Variants in HIP1R observed in about 807,000 individuals in gnomAD.
HIP1R encodes huntingtin interacting protein 1 related, also known as huntingtin-interacting protein 1-related protein.
In HIP1R, 135 loss-of-function variants were observed where a neutral mutation model predicts 144.2. The observed-to-expected ratio is 0.94, with a 90% CI of 0.81 to 1.08. HIP1R has a LOEUF of 1.08. HIP1R is among the 50% of genes least tolerant of loss of function. The probability of loss-of-function intolerance (pLI) is 0.00; values close to 1 mark genes in which losing one functional copy is unlikely to be tolerated. For missense variants in HIP1R, 1,462 were observed against 1,432.8 expected, an observed-to-expected ratio of 1.02 and a Z score of -0.33; for synonymous variants, 698 against 612.8, an observed-to-expected ratio of 1.14 and a Z score of -2.05.
intron 30 of HIP1R, 45 bp from the exon 31 acceptor site, chr12:122,861,263 T>G (rs1593893611): frequency 1.9e-6 from 3 of 1,612,802 alleles, no homozygotes; most frequent in Non-Finnish European, 2.5e-6. Flanking sequence ...AGGAGAGAGC[T>G]CCCTGGGGAG....
Position 122,855,573 on chromosome 12 carries a change from A to T in HIP1R, c.1016A>T (p.Gln339Leu). Residue 339 changes from glutamine to leucine, a missense_variant, in exon 12 of 32, where the codon CAG becomes CTG. By Grantham distance (113) the Gln-to-Leu change is moderately radical. This residue lies in a region of HIP1R where 1,112 missense variants were observed against 1,011.7 expected (regional missense o/e 1.10). Transcript: ENST00000253083. ...CAGGTGGTGGCTGACCTCTTCGATC[A>T]GACGTTTGGACCCCCCAATGGGTCT... Reference protein sequence around the residue: ...EPVVVADLFDQTFGPPNGSVK... With the variant: ...EPVVVADLFDLTFGPPNGSVK... 1 of 1,549,558 alleles carries T rather than the reference A, an allele frequency of 6.5e-7. No individual in the cohort carries two copies. The highest frequency in any genetic ancestry group is 8.7e-7 in the Non-Finnish European group (1 of 1,147,036).
intron 7 of HIP1R, among the ~76,000 whole-genome samples, chr12:122,851,667 G>A (rs1390200451): frequency 6.8e-6 from 1 of 147,542 alleles, no homozygotes; most frequent in Non-Finnish European, 1.5e-5. Context: ...CTGGGCAACA[G>A]AGTGAGTCTC....
At chr12:122,842,352 T>G (rs117566398) in intron 1 of HIP1R, among the ~76,000 whole-genome samples, 1,525 of 152,322 alleles carry the variant, frequency 0.01, 16 homozygotes, top group South Asian at 0.039. Context: ...ATAATTACTT[T>G]TACTCTGCAG....
In HIP1R at chr12:122,849,970, G is replaced by A; in HGVS notation, c.438+15G>A. 3 of 1,591,150 alleles carry A rather than the reference G, an allele frequency of 1.9e-6. No individual in the cohort carries two copies. The highest frequency in any genetic ancestry group is 2.6e-6 in the Non-Finnish European group (3 of 1,159,544). ...TCCACCTCAAGGTGGTTTCCTCGGG[G>A]GAGTCATGGGGCTGAGGGACCCGTG... is the stretch of plus-strand genomic sequence containing the variant. On this transcript the variant is annotated intron_variant, in intron 5 of 31. Coordinates refer to ENST00000253083, the MANE Select transcript of HIP1R (RefSeq NM_003959.3).
At chr12:122,847,306 G>A (rs117050467) in intron 1 of HIP1R, among the ~76,000 whole-genome samples, 11 of 152,306 alleles carry the variant, frequency 7.2e-5, no homozygotes, top group South Asian at 2.1e-4. Flanking sequence ...GCCGGGGCGG[G>A]GGGGGAGGGG....
chr12:122,861,390 C>G lies in HIP1R; in HGVS notation c.3035C>G (p.Ala1012Gly). 6.2e-7 allele frequency: 1 copy of G among 1,613,544 alleles called. No homozygotes were observed. The change falls in exon 31 of 32, where the codon GCT (alanine) becomes GGT (glycine). Residue 1012 changes from alanine to glycine, a missense_variant. This residue lies in a region of HIP1R where 1,112 missense variants were observed against 1,011.7 expected (regional missense o/e 1.10). Coordinates refer to ENST00000253083, the MANE Select transcript of HIP1R (RefSeq NM_003959.3). ...TTGCGGAAGCAACACTACGTGCTGG[C>G]TGGGGCATCAGGCAGCCCTGGAGAG... ...GELRKQHYVL[A>G]GASGSPGEEV...
chr12:122,843,270 T>A (rs2033109797), intron 1 of HIP1R, among the ~76,000 whole-genome samples: 1 of 152,218 alleles, frequency 6.6e-6, no homozygotes, highest in Admixed American at 6.5e-5. Flanking sequence ...TCTCCATCTC[T>A]GGTCCATGTC....
chr12:122,857,530 G>A (rs2033625720), intron 18 of HIP1R: 4 of 495,980 alleles, frequency 8.1e-6, no homozygotes, highest in Admixed American at 3.3e-5. Flanking sequence ...TAGTGCTGCT[G>A]TGGGCCTTTG....
chr12:122,842,266 G>A (rs916917651), intron 1 of HIP1R, among the ~76,000 whole-genome samples: 5 of 152,202 alleles, frequency 3.3e-5, no homozygotes, highest in Admixed American at 2.6e-4. Context: ...CTGCTGTTAG[G>A]TGCCACGATA....
In HIP1R at chr12:122,861,848, C is replaced by A; in HGVS notation, c.*95C>A. 8.7e-7 allele frequency: 1 copy of A among 1,146,442 alleles called. No individual in the cohort carries two copies. Among genetic ancestry groups the A allele is most frequent in the Non-Finnish European group, 1.3e-6 (1 of 782,260 alleles). 71.0% of individuals were successfully genotyped at this position (1,146,442 alleles called of 1,614,324 possible). Reference sequence around the variant, plus strand: ...GAGGCCTTGCCCCTCCACCTGGTGCCCAAGCCTCCCGCCCCACCGTCTGGA... The same window carrying A: ...GAGGCCTTGCCCCTCCACCTGGTGCACAAGCCTCCCGCCCCACCGTCTGGA... On this transcript the variant is annotated 3_prime_UTR_variant, in exon 32 of 32. Coordinates refer to ENST00000253083, the MANE Select transcript of HIP1R (RefSeq NM_003959.3).
In HIP1R at chr12:122,857,044, G is replaced by T. The variant is rs1256544986; in HGVS notation, c.1644G>T (p.Arg548=). Reference sequence around the variant, plus strand: ...AGAGCAAGTCGGAGCTGAGCTCACGGCTGGACACGCTGAGTGCGGAGAAGG... The same window carrying T: ...AGAGCAAGTCGGAGCTGAGCTCACGTCTGGACACGCTGAGTGCGGAGAAGG... ...TEQSKSELSS[R]LDTLSAEKDA... Residue 548 remains arginine, a synonymous_variant, in exon 18 of 32, where the codon CGG becomes CGT. Coordinates refer to ENST00000253083, the MANE Select transcript of HIP1R (RefSeq NM_003959.3). The T allele has an allele frequency of 7.7e-6, 12 of 1,550,248 alleles. No individual in the cohort carries two copies. Among genetic ancestry groups the T allele is most frequent in the Non-Finnish European group, 1.0e-5 (12 of 1,147,470 alleles).
intron 1 of HIP1R, among the ~76,000 whole-genome samples, chr12:122,846,031 G>A (rs555214420): frequency 1.0e-3 from 158 of 152,306 alleles, no homozygotes; most frequent in African/African-American, 3.7e-3. Context: ...CAGTCACTTC[G>A]CCTCCACCCT....
In HIP1R at chr12:122,855,876, C is replaced by T. The variant is rs1384395454; in HGVS notation, c.1101C>T (p.Arg367=). The T allele has an allele frequency of 2.0e-6, 3 of 1,505,828 alleles. No homozygotes were observed. The highest frequency in any genetic ancestry group is 3.9e-5 in the Admixed American group (2 of 50,922). The allele number at this position is 1,505,828 out of a possible 1,614,324, so 93.3% of individuals were successfully genotyped here. The change falls in exon 13 of 32, where the codon CGC becomes CGT. Residue 367 remains arginine, a synonymous_variant. Coordinates refer to ENST00000253083, the MANE Select transcript of HIP1R (RefSeq NM_003959.3). ...TGAAGAGAGAGGTGGAAATGCTCCG[C>T]TCTGAACTGGAGAAGATCAAGCTGG... ...ESLKREVEML[R]SELEKIKLEA...
At position 122,861,790 on chromosome 12, in the gene HIP1R, C is replaced by A; in HGVS notation, c.*37C>A. Reference sequence around the variant, plus strand: ...GTCCAGCAGGGTGGCTGGTGACAGGCCTGGGCCTCTGCAACTGCCCTGACA... The same window carrying A: ...GTCCAGCAGGGTGGCTGGTGACAGGACTGGGCCTCTGCAACTGCCCTGACA... On this transcript the variant is annotated 3_prime_UTR_variant, in exon 32 of 32. Transcript: ENST00000253083. The A allele has an allele frequency of 6.2e-7, 1 of 1,603,924 alleles. No homozygotes were observed. Among genetic ancestry groups the A allele is most frequent in the South Asian group, 1.1e-5 (1 of 90,762 alleles).
chr12:122,844,694 G>A (rs533984259), intron 1 of HIP1R, among the ~76,000 whole-genome samples: 1 of 152,204 alleles, frequency 6.6e-6, no homozygotes, highest in Non-Finnish European at 1.5e-5. Context: ...CAGACCCCGG[G>A]GCGGTCACAT....
rs530434049 is a variant in HIP1R, at chr12:122,855,425, C to G, written c.993+20C>G. 5.2e-6 allele frequency: 8 copies of G among 1,553,268 alleles called. No individual in the cohort carries two copies. Among genetic ancestry groups the G allele is most frequent in the Non-Finnish European group, 6.1e-6 (7 of 1,149,252 alleles). ...CCAGTGGTGAGCCCCCTGCCCAGCC[C>G]GTGTCCCCCAGTCCTCCAGCTGCAG... On this transcript the variant is annotated intron_variant, in intron 11 of 31. Transcript: ENST00000253083.
intron 7 of HIP1R, among the ~76,000 whole-genome samples, chr12:122,851,544 ATAAAAATTAGCCAG>A (rs762228323): frequency 6.6e-6 from 1 of 152,104 alleles, no homozygotes; most frequent in Non-Finnish European, 1.5e-5. Flanking sequence ...CTAAAAAAAT[ATAAAAATTAGCCAG>A]GCGTGGTGGC....
In HIP1R at chr12:122,854,122, C is replaced by A; in HGVS notation, c.657C>A (p.Val219=). Residue 219 remains valine, a synonymous_variant, in exon 8 of 32, where the codon GTC becomes GTA. Coordinates refer to ENST00000253083, the MANE Select transcript of HIP1R (RefSeq NM_003959.3). ...GQCRLAPLIQ[V]IQDCSHLYHY... Reference sequence around the variant, plus strand: ...GCCGCCTGGCCCCCCTCATCCAGGTCATCCAGGACTGCAGCCACCTCTACC... The same window carrying A: ...GCCGCCTGGCCCCCCTCATCCAGGTAATCCAGGACTGCAGCCACCTCTACC... 1 of 1,613,924 alleles carries A rather than the reference C, an allele frequency of 6.2e-7. No individual in the cohort carries two copies. Among genetic ancestry groups the A allele is most frequent in the Non-Finnish European group, 8.5e-7 (1 of 1,179,936 alleles).
At chr12:122,837,933 C>T (rs1052460003) in intron 1 of HIP1R, among the ~76,000 whole-genome samples, 6 of 152,180 alleles carry the variant, frequency 3.9e-5, no homozygotes, top group African/African-American at 9.7e-5. Flanking sequence ...ATGTCTCCTT[C>T]GGGACAGAAA....
Sources: gnomAD v4.1 joint callset for allele counts (sites outside exome capture counted in the v4.1 genomes callset) on GRCh38, gnomAD v4.1.1 for gene constraint, gnomAD v4.1.1 regional missense constraint, MANE v1.5 for transcripts, NCBI Gene and HGNC (gene_info 2026-07-23, HGNC 2026-07-21) for gene names.